PHF20: variants seen among roughly 807,000 people sequenced by gnomAD.
PHF20 encodes the protein glioma-expressed antigen 2.
In PHF20, 23 loss-of-function variants were observed where a neutral mutation model predicts 113.5. The ratio of observed to expected loss-of-function variants is 0.20; its 90% confidence interval spans 0.15 to 0.29. The LOEUF (loss-of-function observed/expected upper bound fraction) is 0.29. Among genes scored for constraint, PHF20 ranks in the 10% least tolerant of loss-of-function variants. PHF20 has a pLI of 1.00. For synonymous variants in PHF20, 434 were observed against 457.3 expected (o/e 0.95, Z 0.65); for missense variants, 943 against 1,219.6 (o/e 0.77, Z 3.38).
chr20:35,891,308 C>T (rs1469523144), intron 9 of PHF20, among the ~76,000 whole-genome samples: 3 of 146,282 alleles, frequency 2.1e-5, no homozygotes, highest in South Asian at 2.3e-4. Context: ...ACCCAGGAGG[C>T]GGAGGTTGCA....
chr20:35,840,916 A>G (rs1173469776), intron 2 of PHF20, among the ~76,000 whole-genome samples: 2 of 152,244 alleles, frequency 1.3e-5, no homozygotes, highest in African/African-American at 4.8e-5. Context: ...GGAGGTTGAA[A>G]GAAACCATCT....
chr20:35,899,517 A>G lies in PHF20; in HGVS notation c.1430A>G (p.His477Arg). Residue 477 changes from histidine (H) to arginine (R), a missense_variant, in exon 10 of 18, where the codon CAT becomes CGT. His to Arg is a conservative substitution (Grantham distance 29). Coordinates refer to ENST00000374012, the MANE Select transcript of PHF20 (RefSeq NM_016436.5). ...TTGCACTATCACATGAAGTATTTCC[A>G]TGGAATGGAGAAGTCACTGGAGCCA... ...KLLHYHMKYF[H>R]GMEKSLEPEE... 6.2e-7 allele frequency: 1 copy of G among 1,614,206 alleles called. No homozygotes were observed. The highest frequency in any genetic ancestry group is 8.5e-7 in the Non-Finnish European group (1 of 1,180,040).
At chr20:35,891,250 G>T (rs1386677558) in intron 9 of PHF20, among the ~76,000 whole-genome samples, 3 of 152,050 alleles carry the variant, frequency 2.0e-5, no homozygotes. Flanking sequence ...GATGGCAGGC[G>T]CCTGTAATCC....
chr20:35,887,859 A>T (rs992800017), intron 9 of PHF20: 1 of 151,064 alleles, frequency 6.6e-6, no homozygotes, highest in African/African-American at 2.4e-5. Context: ...CACACTCAAG[A>T]GGAAGAGATT....
intron 9 of PHF20, among the ~76,000 whole-genome samples, chr20:35,875,107 T>A (rs2054494364): frequency 6.6e-6 from 1 of 150,508 alleles, no homozygotes; most frequent in Admixed American, 6.6e-5. Flanking sequence ...TAAAATATTT[T>A]AAAAAATTGG....
chr20:35,906,019 A>G (rs906810786), intron 10 of PHF20, among the ~76,000 whole-genome samples: 13 of 152,190 alleles, frequency 8.5e-5, no homozygotes, highest in Non-Finnish European at 1.9e-4. Flanking sequence ...GTTTCTTTCT[A>G]CTTAGGTGAG....
At chr20:35,856,888 G>T (rs1310939602) in intron 4 of PHF20, among the ~76,000 whole-genome samples, 1 of 152,156 alleles carries the variant, frequency 6.6e-6, no homozygotes, top group African/African-American at 2.4e-5. Flanking sequence ...GGGAAATAAG[G>T]TTTGGAAAAT....
rs1244045678 is a variant in PHF20 at position 35,931,313 on chromosome 20, C to T, written c.2169C>T (p.Gly723=). The T allele has an allele frequency of 6.2e-7, 1 of 1,614,010 alleles. No homozygotes were observed. The highest frequency in any genetic ancestry group is 8.5e-7 in the Non-Finnish European group (1 of 1,179,974). ...GGCTGAGCAGGGGACATATGCATGG[C>T]CTGGCATTTCTAGAAGAGAACTACT... ...KEWLSRGHMH[G]LAFLEENYSH... is the part of the protein sequence containing the mutation. The change falls in exon 15 of 18, where the codon GGC becomes GGT. Residue 723 remains glycine, a synonymous_variant. Transcript: ENST00000374012.
intron 10 of PHF20, among the ~76,000 whole-genome samples, chr20:35,900,576 A>G (rs956607666): frequency 3.9e-5 from 6 of 152,280 alleles, no homozygotes; most frequent in South Asian, 2.1e-4. Flanking sequence ...TCTCATGCCT[A>G]TAATTCCAGT....
At chr20:35,872,878 G>T (rs1049897112) in intron 9 of PHF20, among the ~76,000 whole-genome samples, 2 of 152,174 alleles carry the variant, frequency 1.3e-5, no homozygotes, top group African/African-American at 2.4e-5. Flanking sequence ...CCGTTGTCAT[G>T]TGTTTGTTCT....
In PHF20 at chr20:35,863,207, G is replaced by A; in HGVS notation, c.615G>A (p.Lys205=). 7 of 1,613,944 alleles carry A rather than the reference G, an allele frequency of 4.3e-6. No homozygotes were observed. The highest frequency in any genetic ancestry group is 3.4e-6 in the Non-Finnish European group (4 of 1,179,972). The stretch of plus-strand genomic sequence containing the variant: ...AAGGAAAGTTAATCTGTTCTGAAAA[G>A]GGGAAAGTGTCAGAGAAAAGTCTTC... ...DKEGKLICSE[K]GKVSEKSLPK... Residue 205 remains lysine (K), a synonymous_variant, in exon 6 of 18, where the codon AAG becomes AAA. Coordinates refer to ENST00000374012, the MANE Select transcript of PHF20 (RefSeq NM_016436.5).
intron 13 of PHF20, among the ~76,000 whole-genome samples, chr20:35,924,684 C>A (rs6060686): frequency 2.6e-5 from 4 of 151,874 alleles, no homozygotes; most frequent in African/African-American, 9.7e-5. Flanking sequence ...CCTTCCTCTC[C>A]TGGGTTCAAG....
intron 4 of PHF20, chr20:35,849,543 G>C (rs2042682292): frequency 2.1e-6 from 1 of 468,078 alleles, no homozygotes; most frequent in Middle Eastern, 3.3e-4. Flanking sequence ...GAAACTCTTT[G>C]AAATAATGAT....
At chr20:35,805,404 A>G (rs1244519278) in intron 2 of PHF20, among the ~76,000 whole-genome samples, 1 of 135,156 alleles carries the variant, frequency 7.4e-6, no homozygotes, top group Non-Finnish European at 1.6e-5. Flanking sequence ...TTATTTTGAG[A>G]TGGAGTCTTG....
chr20:35,772,642 T>C lies in PHF20; in HGVS notation c.-33+563T>C, dbSNP rs1311443416. ...CTCTAGCTCTGGAATTTTATCTAAA[T>C]TTCTAAAAGCCCTCCCCCCCCCAAA... is the stretch of plus-strand genomic sequence containing the variant. On this transcript the variant is annotated intron_variant, in intron 1 of 17. Coordinates refer to ENST00000374012, the MANE Select transcript of PHF20 (RefSeq NM_016436.5). Among the ~76,000 whole-genome samples, 41 of 152,140 alleles carry C rather than the reference T, an allele frequency of 2.7e-4. 1 individual carries two copies. Among genetic ancestry groups the C allele is most frequent in the Non-Finnish European group, 2.9e-5 (2 of 67,994 alleles).
At chr20:35,773,784 A>C (rs757883721) in intron 1 of PHF20, among the ~76,000 whole-genome samples, 7 of 152,018 alleles carry the variant, frequency 4.6e-5, no homozygotes, top group Non-Finnish European at 1.0e-4. Flanking sequence ...TTGGTTAATC[A>C]CAGGACTCTG....
intron 10 of PHF20, among the ~76,000 whole-genome samples, chr20:35,904,867 C>A (rs569418632): frequency 5.1e-4 from 77 of 150,228 alleles, no homozygotes; most frequent in Non-Finnish European, 9.6e-4. Flanking sequence ...CTCTTGTTGC[C>A]CAGGCTGGAG....
intron 13 of PHF20, among the ~76,000 whole-genome samples, chr20:35,920,303 C>A (rs909177611): frequency 2.6e-5 from 4 of 152,104 alleles, no homozygotes; most frequent in African/African-American, 7.2e-5. Flanking sequence ...TTTCAGTAGT[C>A]ATTTATTCTT....
chr20:35,829,659 T>C (rs886849978), intron 2 of PHF20, among the ~76,000 whole-genome samples: 5 of 151,222 alleles, frequency 3.3e-5, no homozygotes, highest in African/African-American at 9.7e-5. Flanking sequence ...AAATTTTTCA[T>C]AGTGAGATAA....
Sources: allele counts gnomAD v4.1 joint callset (sites outside exome capture counted in the v4.1 genomes callset), GRCh38; gene constraint gnomAD v4.1.1; transcripts MANE v1.5; gene names NCBI Gene and HGNC (gene_info 2026-07-23, HGNC 2026-07-21).